The following NFASC variants were observed in gnomAD, a reference collection of about 807,000 sequenced individuals.
NFASC encodes neurofascin homolog.
A neutral mutation model predicts 147.5 loss-of-function variants in NFASC; 43 were observed. The observed-to-expected ratio is 0.29, with a 90% CI of 0.23 to 0.38. The LOEUF (loss-of-function observed/expected upper bound fraction) is 0.38. Ranked by LOEUF, NFASC falls within the 10% of genes least tolerant of loss-of-function variation. NFASC has a pLI of 1.00. For missense variants in NFASC, 1,320 were observed against 1,689.0 expected (o/e 0.78, Z 3.83); for synonymous variants, 622 against 665.5 (o/e 0.93, Z 1.01).
intron 3 of NFASC, chr1:204,948,618 G>T (rs779261562): frequency 1.9e-6 from 1 of 519,060 alleles, no homozygotes; most frequent in South Asian, 1.4e-5. Context: ...TCTGGACCAG[G>T]CACTGGGAGA....
At chr1:204,928,001 G>A (rs147093588) in intron 2 of NFASC, among the ~76,000 whole-genome samples, 1 of 152,146 alleles carries the variant, frequency 6.6e-6, no homozygotes, top group Non-Finnish European at 1.5e-5. Flanking sequence ...CTCCCCAGAG[G>A]GGGGAGTTCG....
At chr1:204,864,400 G>A (rs543186148) in intron 1 of NFASC, among the ~76,000 whole-genome samples, 33 of 152,252 alleles carry the variant, frequency 2.2e-4, no homozygotes, top group African/African-American at 5.5e-4. Context: ...TTGCAGGGTC[G>A]TATATTAACT....
intron 1 of NFASC, among the ~76,000 whole-genome samples, chr1:204,859,962 T>C (rs1235067196): frequency 6.6e-6 from 1 of 152,022 alleles, no homozygotes; most frequent in African/African-American, 2.4e-5. Flanking sequence ...GAGCTGGGGG[T>C]GCAGATATAG....
rs2096364440 is a variant in NFASC at position 205,016,604 on chromosome 1, C to G, written c.*65C>G. 1 of 1,143,440 alleles carries G rather than the reference C, an allele frequency of 8.7e-7. No individual in the cohort carries two copies. The highest frequency in any genetic ancestry group is 1.5e-5 in the African/African-American group (1 of 65,596). 70.8% of individuals were successfully genotyped at this position (1,143,440 alleles called of 1,614,324 possible). A position where few individuals can be genotyped will look rare whatever the true frequency, so the allele number is the denominator to read the frequency against. Reference sequence around the variant, plus strand: ...AGGAGGGGAGAAGGGGAGACAAAACCACTGCAGACCTACCACGAAGCCACC... The same window carrying G: ...AGGAGGGGAGAAGGGGAGACAAAACGACTGCAGACCTACCACGAAGCCACC... On this transcript the variant is annotated 3_prime_UTR_variant, in exon 30 of 30. Coordinates refer to ENST00000339876, the MANE Select transcript of NFASC (RefSeq NM_001005388.3). The surrounding 1 kb of genome is among the most constrained non-coding windows in gnomAD (Gnocchi z 5.1).
chr1:204,847,162 G>A (rs1286722402), intron 1 of NFASC, among the ~76,000 whole-genome samples: 8 of 151,978 alleles, frequency 5.3e-5, no homozygotes, highest in African/African-American at 1.9e-4. Flanking sequence ...AAGTGTGAGT[G>A]GCCTGTGACT....
intron 7 of NFASC, 124 bp from the exon 8 acceptor site, chr1:204,957,532 C>T (rs2094484906): frequency 1.3e-6 from 1 of 790,670 alleles, no homozygotes; most frequent in Non-Finnish European, 2.1e-6. Flanking sequence ...GAGGATTAGA[C>T]CAAGTAATGT....
chr1:204,835,489 A>G (rs542161667), intron 1 of NFASC, among the ~76,000 whole-genome samples: 1 of 152,122 alleles, frequency 6.6e-6, no homozygotes, highest in East Asian at 1.9e-4. Context: ...TTAGCCTCCC[A>G]AAGTGTTGGG....
chr1:204,982,360 C>T (rs1421643952), intron 21 of NFASC, among the ~76,000 whole-genome samples: 1 of 152,260 alleles, frequency 6.6e-6, no homozygotes, highest in Non-Finnish European at 1.5e-5. Context: ...GATCCCCTGG[C>T]AGTCTGCCTT....
chr1:204,931,794 G>A (rs1347760969), intron 2 of NFASC, among the ~76,000 whole-genome samples: 1 of 152,060 alleles, frequency 6.6e-6, no homozygotes, highest in East Asian at 1.9e-4. Context: ...AGTCATCCTA[G>A]TCCAGTTTCC....
intron 1 of NFASC, among the ~76,000 whole-genome samples, chr1:204,832,496 C>T (rs944877524): frequency 6.6e-6 from 1 of 152,042 alleles, no homozygotes; most frequent in African/African-American, 2.4e-5. Flanking sequence ...ATGGGGAGGG[C>T]AAGTTGTTGG....
intron 25 of NFASC, 124 bp downstream of exon 25, chr1:204,997,530 T>A: frequency 9.1e-7 from 1 of 1,098,418 alleles, no homozygotes; most frequent in Non-Finnish European, 1.4e-6. Context: ...ACCACCTCCC[T>A]TTGTGTTTCC....
At chr1:205,005,281 G>A (rs1431994116) in intron 27 of NFASC, among the ~76,000 whole-genome samples, 1 of 152,210 alleles carries the variant, frequency 6.6e-6, no homozygotes, top group Non-Finnish European at 1.5e-5. Flanking sequence ...TTCTTCTGCA[G>A]ACTTTGAGTG....
In NFASC at chr1:204,907,944, A is replaced by ATGTGTG. The variant is rs58491017; in HGVS notation, c.-199-12670_-199-12665dup. Among the ~76,000 whole-genome samples, 232 of 150,718 alleles carry ATGTGTG rather than the reference A, an allele frequency of 1.5e-3. 1 individual carries two copies. Among genetic ancestry groups the ATGTGTG allele is most frequent in the African/African-American group, 5.1e-3 (210 of 41,064 alleles). On this transcript the variant is annotated intron_variant, in intron 1 of 29. Transcript: ENST00000339876. The stretch of plus-strand genomic sequence containing the variant: ...ACATACTAACACATAATGAGAATAA[A>ATGTGTG]TGTGTGTGTGTGTGTGTGTGTGTAT...
intron 27 of NFASC, among the ~76,000 whole-genome samples, chr1:205,006,378 C>G (rs2096112447): frequency 6.6e-6 from 1 of 152,208 alleles, no homozygotes; most frequent in Non-Finnish European, 1.5e-5. Context: ...ATTAAATGTT[C>G]CACTGCATGG....
Position 204,979,483 on chromosome 1 carries a change from C to T in NFASC, c.2100C>T (p.Phe700=). 6.2e-7 allele frequency: 1 copy of T among 1,613,962 alleles called. No homozygotes were observed. The highest frequency in any genetic ancestry group is 1.3e-5 in the African/African-American group (1 of 75,034). Residue 700 remains phenylalanine, a synonymous_variant, in exon 19 of 30, where the codon TTC becomes TTT. Transcript: ENST00000339876. The surrounding 1 kb of genome is among the most constrained non-coding windows in gnomAD (Gnocchi z 6.0). ...LRLSPYVNYQ[F]RVIAINEVGS... The stretch of plus-strand genomic sequence containing the variant: ...TGTCCCCGTATGTCAACTACCAGTT[C>T]CGTGTCATTGCCATCAACGAGGTTG...
At chr1:204,982,132 A>G in intron 21 of NFASC, 112 bp downstream of exon 21, 3 of 638,900 alleles carry the variant, frequency 4.7e-6, no homozygotes, top group Non-Finnish European at 2.6e-6. Flanking sequence ...GCCAGTTCCC[A>G]GGAAGGAAAA....
intron 11 of NFASC, among the ~76,000 whole-genome samples, chr1:204,971,892 A>G (rs554920604): frequency 1.4e-4 from 21 of 152,318 alleles, no homozygotes; most frequent in Admixed American, 4.6e-4. Flanking sequence ...GCTAAACTTT[A>G]CAGCACCATT....
intron 1 of NFASC, among the ~76,000 whole-genome samples, chr1:204,907,157 T>C (rs2086184788): frequency 6.6e-6 from 1 of 152,230 alleles, no homozygotes; most frequent in Non-Finnish European, 1.5e-5. Flanking sequence ...GTTTGTTGTT[T>C]AGCCATTCTA....
chr1:204,984,355 AT>A (rs1483645430), intron 21 of NFASC: 1 of 253,846 alleles, frequency 3.9e-6, no homozygotes, highest in Non-Finnish European at 7.1e-6. Flanking sequence ...GTATATATAT[AT>A]ATGTGTGTGT....
Sources: gnomAD v4.1 joint callset for allele counts (sites outside exome capture counted in the v4.1 genomes callset) on GRCh38, gnomAD v4.1.1 for gene constraint, Gnocchi (gnomAD v3.1) non-coding constraint, MANE v1.5 for transcripts, NCBI Gene and HGNC (gene_info 2026-07-23, HGNC 2026-07-21) for gene names.